CDH9: variants seen among roughly 807,000 people sequenced by gnomAD.
The protein encoded by CDH9 is cadherin-9.
A neutral mutation model predicts 70.9 loss-of-function variants in CDH9; 28 were observed. That is an observed-to-expected ratio of 0.40 (90% CI 0.29 to 0.54). The LOEUF (loss-of-function observed/expected upper bound fraction) is 0.54, where lower values mean the gene tolerates loss of function less well. Among genes scored for constraint, CDH9 ranks in the 20% least tolerant of loss-of-function variants. The pLI, the probability that CDH9 is intolerant of heterozygous loss-of-function variation, is 0.59. For synonymous variants in CDH9, 409 were observed against 343.1 expected, an observed-to-expected ratio of 1.19 and a Z score of -2.12; for missense variants, 874 against 984.4, an observed-to-expected ratio of 0.89 and a Z score of 1.50.
At chr5:27,023,620 A>C (rs1018247569) in intron 1 of CDH9, among the ~76,000 whole-genome samples, 2 of 152,018 alleles carry the variant, frequency 1.3e-5, no homozygotes, top group Non-Finnish European at 2.9e-5. Flanking sequence ...CTTACCTGTA[A>C]AATCAGTCAA....
At chr5:26,882,642 T>C (rs1740486052) in intron 11 of CDH9, among the ~76,000 whole-genome samples, 1 of 151,954 alleles carries the variant, frequency 6.6e-6, no homozygotes, top group African/African-American at 2.4e-5. Flanking sequence ...AAGGTGAGAA[T>C]AAAACCAAGA....
At chr5:26,903,554 T>A (rs758728966) in intron 6 of CDH9, 83 bp downstream of exon 6, 2 of 896,122 alleles carry the variant, frequency 2.2e-6, no homozygotes, top group Non-Finnish European at 3.8e-6. Context: ...GGAAAATAAA[T>A]CCCAGGCTTT....
At chr5:26,987,857 C>T (rs1384266105) in intron 2 of CDH9, among the ~76,000 whole-genome samples, 1 of 151,994 alleles carries the variant, frequency 6.6e-6, no homozygotes, top group East Asian at 1.9e-4. Flanking sequence ...TAATATCTAG[C>T]TGATTAATAA....
intron 1 of CDH9, among the ~76,000 whole-genome samples, chr5:27,006,427 A>G (rs1012038923): frequency 6.6e-6 from 1 of 152,038 alleles, no homozygotes; most frequent in Non-Finnish European, 1.5e-5. Flanking sequence ...GATCAAGGGT[A>G]GGAGGAGAGG....
At chr5:26,921,088 G>A (rs537158716) in intron 2 of CDH9, among the ~76,000 whole-genome samples, 10 of 152,220 alleles carry the variant, frequency 6.6e-5, no homozygotes, top group African/African-American at 2.2e-4. Flanking sequence ...TCATGATACC[G>A]TTTTTGTTAG....
At chr5:27,012,736 A>C (rs1421893985) in intron 1 of CDH9, among the ~76,000 whole-genome samples, 1 of 152,062 alleles carries the variant, frequency 6.6e-6, no homozygotes. Context: ...ACTTAACTTC[A>C]AAAATATTTT....
chr5:26,977,186 A>G (rs1369043063), intron 2 of CDH9, among the ~76,000 whole-genome samples: 1 of 151,986 alleles, frequency 6.6e-6, no homozygotes, highest in Non-Finnish European at 1.5e-5. Context: ...ACATTTTCTT[A>G]AATAGGCATT....
chr5:26,895,992 C>T (rs902507647), intron 7 of CDH9, among the ~76,000 whole-genome samples: 2 of 151,984 alleles, frequency 1.3e-5, no homozygotes, highest in African/African-American at 4.8e-5. Context: ...AAGCCATCCT[C>T]TGTGCTATGC....
At chr5:27,030,604 T>C (rs1228482958) in intron 1 of CDH9, among the ~76,000 whole-genome samples, 1 of 151,604 alleles carries the variant, frequency 6.6e-6, no homozygotes, top group African/African-American at 2.4e-5. Context: ...CATCACAGTT[T>C]ATTGCAAGGA....
chr5:26,885,694 G>A lies in CDH9; in HGVS notation c.1802C>T (p.Thr601Ile). ...CDNQGNMQSC[T>I]AEALILSAGL... ...GGCTGAAAGGATCAGGGCTTCTGCG[G>A]TGCAGGATTGCATGTTTCCTTGATT... Residue 601 changes from threonine (T) to isoleucine (I), a missense_variant, in exon 11 of 12, where the codon ACC becomes ATC. Coordinates refer to ENST00000231021, the MANE Select transcript of CDH9 (RefSeq NM_016279.4). 6.2e-7 allele frequency: 1 copy of A among 1,613,610 alleles called. No homozygotes were observed. Among genetic ancestry groups the A allele is most frequent in the Non-Finnish European group, 8.5e-7 (1 of 1,179,776 alleles).
chr5:26,908,938 G>A (rs1318241396), intron 3 of CDH9, among the ~76,000 whole-genome samples: 1 of 151,888 alleles, frequency 6.6e-6, no homozygotes, highest in African/African-American at 2.4e-5. Context: ...AAAGTTAAAA[G>A]CATTTAGTAA....
intron 1 of CDH9, among the ~76,000 whole-genome samples, chr5:27,036,483 G>A (rs1044073936): frequency 2.0e-5 from 3 of 151,880 alleles, no homozygotes; most frequent in Non-Finnish European, 4.4e-5. Flanking sequence ...TGCAATAACA[G>A]TAGCATAGTT....
At chr5:26,951,872 G>T (rs1741850897) in intron 2 of CDH9, among the ~76,000 whole-genome samples, 1 of 151,982 alleles carries the variant, frequency 6.6e-6, no homozygotes, top group African/African-American at 2.4e-5. Flanking sequence ...GCACAAATGT[G>T]CCCATAACAC....
At chr5:26,986,678 T>C (rs1332715197) in intron 2 of CDH9, among the ~76,000 whole-genome samples, 2 of 152,134 alleles carry the variant, frequency 1.3e-5, no homozygotes, top group African/African-American at 2.4e-5. Flanking sequence ...GTGACCTCAA[T>C]GTGTCCTTTA....
chr5:26,987,668 C>A (rs1742510700), intron 2 of CDH9, among the ~76,000 whole-genome samples: 1 of 151,940 alleles, frequency 6.6e-6, no homozygotes, highest in Non-Finnish European at 1.5e-5. Flanking sequence ...ATCCTTCTGC[C>A]TTAAACACTT....
At chr5:26,986,889 G>A (rs911635109) in intron 2 of CDH9, among the ~76,000 whole-genome samples, 6 of 151,864 alleles carry the variant, frequency 4.0e-5, no homozygotes, top group Admixed American at 6.6e-5. Context: ...TGAATGGGGC[G>A]GAATGAGCAT....
At position 26,914,188 on chromosome 5, in the gene CDH9, G is replaced by A. The variant is rs893317160; in HGVS notation, c.523+1442C>T. On this transcript the variant is annotated intron_variant, in intron 3 of 11. Coordinates refer to ENST00000231021, the MANE Select transcript of CDH9 (RefSeq NM_016279.4). ...ATAAGTGAAAGTTTTATATTGTAAG[G>A]TTTCAACATATCTGGTAAAATAATA... Among the ~76,000 whole-genome samples, 3 of 151,536 alleles carry A rather than the reference G, an allele frequency of 2.0e-5. No individual in the cohort carries two copies. In the East Asian group the frequency reaches 5.8e-4, roughly 29 times the overall value.
rs75596531 is a variant in CDH9 at position 26,956,022 on chromosome 5, A to C, written c.228+32084T>G. 1.1e-4 allele frequency among the ~76,000 whole-genome samples: 16 copies of C among 152,292 alleles called. No individual in the cohort carries two copies. The East Asian group carries it at 1.4e-3, about 13-fold the overall frequency. The stretch of plus-strand genomic sequence containing the variant: ...CATTTTAACAGTATTAAGACAGGAG[A>C]ACTGTAAGAGATACTTAGGCCACGA... On this transcript the variant is annotated intron_variant, in intron 2 of 11. Coordinates refer to ENST00000231021, the MANE Select transcript of CDH9 (RefSeq NM_016279.4).
chr5:26,890,483 G>A lies in CDH9; in HGVS notation c.1335C>T (p.Ala445=). ...SENGSIFTLK[A]LDRESSPWHN... is the part of the protein sequence containing the mutation. ...GCCAAGGAGATGATTCCCGGTCAAG[G>A]GCTTTCAAAGTGAAAATAGAACCAT... The change falls in exon 8 of 12, where the codon GCC becomes GCT. Residue 445 remains alanine (A), a synonymous_variant. Coordinates refer to ENST00000231021, the MANE Select transcript of CDH9 (RefSeq NM_016279.4). 1 of 1,612,476 alleles carries A rather than the reference G, an allele frequency of 6.2e-7. No homozygotes were observed. The highest frequency in any genetic ancestry group is 1.3e-5 in the African/African-American group (1 of 74,960).
Sources: gnomAD v4.1 joint callset for allele counts (sites outside exome capture counted in the v4.1 genomes callset) on GRCh38, gnomAD v4.1.1 for gene constraint, MANE v1.5 for transcripts, NCBI Gene and HGNC (gene_info 2026-07-23, HGNC 2026-07-21) for gene names.